Variants in BCKDHB observed in about 807,000 individuals in gnomAD.
BCKDHB encodes the protein branched chain keto acid dehydrogenase E1 subunit beta, also known as 2-oxoisovalerate dehydrogenase subunit beta, mitochondrial.
In BCKDHB, 41 loss-of-function variants were observed where a neutral mutation model predicts 48.5. The ratio of observed to expected loss-of-function variants is 0.85; its 90% CI spans 0.66 to 1.10. The LOEUF is 1.10. Ranked by LOEUF, BCKDHB falls within the 50% of genes least tolerant of loss-of-function variation. BCKDHB has a pLI of 0.00. For synonymous variants in BCKDHB, 201 were observed against 174.8 expected, an observed-to-expected ratio of 1.15 and a Z score of -1.18; for missense variants, 496 against 494.2, an observed-to-expected ratio of 1.00 and a Z score of -0.03.
the BCKDHB span, among the ~76,000 whole-genome samples, chr6:80,424,990 T>A: frequency 2.0e-5 from 3 of 152,136 alleles, no homozygotes; most frequent in African/African-American, 7.2e-5. Flanking sequence ...TCATGACTTA[T>A]TAAATTGTAC....
In BCKDHB at chr6:80,106,790, CG is replaced by C. The variant is rs1277939715; in HGVS notation, c.101del (p.Gly34AlafsTer38). 2.5e-6 allele frequency: 4 copies of C among 1,599,148 alleles called. No homozygotes were observed. The African/African-American group carries it at 5.4e-5, about 21-fold the overall frequency. ...WRRLPGAGLA[R>X]GFLHPAATVE... ...TCGGCTTCCTGGCGCGGGGCTGGCG[CG>C]GGGCTTTTTGCACCCCGCCGCGACT... is the stretch of plus-strand genomic sequence containing the variant. On this transcript the variant is annotated frameshift_variant, in exon 1 of 10. Coordinates refer to ENST00000320393, the MANE Select transcript of BCKDHB (RefSeq NM_183050.4). LOFTEE classifies it high-confidence loss of function.
intron 3 of BCKDHB, among the ~76,000 whole-genome samples, chr6:80,158,661 T>G (rs185625631): frequency 9.1e-4 from 139 of 152,250 alleles, no homozygotes; most frequent in South Asian, 7.9e-3. Context: ...TTGTCCCTAG[T>G]TGGGCTGAAA....
chr6:80,358,969 A>C, the BCKDHB span, among the ~76,000 whole-genome samples: 1 of 152,172 alleles, frequency 6.6e-6, no homozygotes, highest in Non-Finnish European at 1.5e-5. Context: ...GAGGCAGCAA[A>C]TCAATCACTC....
chr6:80,352,323 G>A, the BCKDHB span, among the ~76,000 whole-genome samples: 4 of 152,092 alleles, frequency 2.6e-5, no homozygotes, highest in East Asian at 3.9e-4. Flanking sequence ...TCTCTACAGA[G>A]GAGGTCATCT....
At chr6:80,352,523 A>G in the BCKDHB span, among the ~76,000 whole-genome samples, 1 of 152,166 alleles carries the variant, frequency 6.6e-6, no homozygotes, top group African/African-American at 2.4e-5. Flanking sequence ...GGTCCTTCCA[A>G]TGAACCACCA....
downstream of BCKDHB, among the ~76,000 whole-genome samples, chr6:80,346,953 G>A (rs1419486368): frequency 1.3e-5 from 2 of 151,662 alleles, no homozygotes; most frequent in African/African-American, 4.9e-5. Context: ...AGCAAAGAAT[G>A]AGGGTTGTCA....
At chr6:80,202,322 A>G (rs1343288616) in intron 7 of BCKDHB, among the ~76,000 whole-genome samples, 1 of 151,930 alleles carries the variant, frequency 6.6e-6, no homozygotes, top group Non-Finnish European at 1.5e-5. Context: ...CTGCATCTTC[A>G]GTTTTCCATT....
chr6:80,381,631 G>A, the BCKDHB span, among the ~76,000 whole-genome samples: 1 of 151,968 alleles, frequency 6.6e-6, no homozygotes, highest in Non-Finnish European at 1.5e-5. Flanking sequence ...ACTTTTGAGA[G>A]ATATTTTATT....
Position 80,200,948 on chromosome 6 carries a change from A to G in BCKDHB, c.757A>G (p.Ile253Val), listed in dbSNP as rs754390321. ...LYRAAAEEVP[I>V]EPYNIPLSQA... ...TCTGTATTTAGCGGAAGAAGTCCCT[A>G]TAGAACCATACAACATCCCACTGTC... Residue 253 changes from isoleucine to valine, a missense_variant, in exon 7 of 10, where the codon ATA (isoleucine) becomes GTA (valine). Transcript: ENST00000320393. 8.7e-6 allele frequency: 14 copies of G among 1,610,524 alleles called. No homozygotes were observed. The highest frequency in any genetic ancestry group is 1.3e-5 in the African/African-American group (1 of 74,622).
At chr6:80,288,786 T>C (rs632362) in intron 9 of BCKDHB, among the ~76,000 whole-genome samples, 121,206 of 151,850 alleles carry the variant, frequency 0.8, 48,560 homozygotes, top group Admixed American at 0.87. Context: ...GTATTTTTTT[T>C]TCTTAAATAC....
intron 3 of BCKDHB, among the ~76,000 whole-genome samples, chr6:80,139,659 C>G (rs932340169): frequency 6.6e-6 from 1 of 152,020 alleles, no homozygotes; most frequent in South Asian, 2.1e-4. Flanking sequence ...TTCCATTGAT[C>G]TATGTCTCTG....
chr6:80,182,652 A>G (rs1224500283), intron 6 of BCKDHB, among the ~76,000 whole-genome samples: 1 of 152,040 alleles, frequency 6.6e-6, no homozygotes, highest in East Asian at 1.9e-4. Flanking sequence ...GTGCTTTTAT[A>G]TTTACATACA....
At position 80,206,790 on chromosome 6, in the gene BCKDHB, A is replaced by G. The variant is rs114284342; in HGVS notation, c.951+3578A>G. 5.7e-3 allele frequency among the ~76,000 whole-genome samples: 870 copies of G among 152,140 alleles called. 11 individuals are homozygous for G. The highest frequency in any genetic ancestry group is 0.02 in the African/African-American group (826 of 41,548). ...TGGTCAAAAGATCTGTCTTATATAC[A>G]ATTTGAATTCCAGAAAAAGAAGAGA... On this transcript the variant is annotated intron_variant, in intron 8 of 9. Coordinates refer to ENST00000320393, the MANE Select transcript of BCKDHB (RefSeq NM_183050.4).
At chr6:80,215,881 A>G (rs1274259205) in intron 8 of BCKDHB, among the ~76,000 whole-genome samples, 1 of 152,120 alleles carries the variant, frequency 6.6e-6, no homozygotes, top group Non-Finnish European at 1.5e-5. Context: ...AGCTGGAACT[A>G]CAGGCGTGCA....
At chr6:80,223,938 G>A (rs1037864289) in intron 8 of BCKDHB, among the ~76,000 whole-genome samples, 4 of 152,168 alleles carry the variant, frequency 2.6e-5, no homozygotes, top group African/African-American at 9.7e-5. Context: ...TTTCTGACCA[G>A]AAGAATAGAT....
intron 8 of BCKDHB, among the ~76,000 whole-genome samples, chr6:80,225,239 CT>C (rs1458146927): frequency 3.9e-5 from 6 of 152,230 alleles, no homozygotes; most frequent in Middle Eastern, 3.4e-3. Flanking sequence ...TAAAATGGTC[CT>C]TTAGATATGG....
the BCKDHB span, among the ~76,000 whole-genome samples, chr6:80,450,015 A>C: frequency 6.6e-6 from 1 of 152,066 alleles, no homozygotes; most frequent in African/African-American, 2.4e-5. Flanking sequence ...CTTTCATATG[A>C]TATTATATTC....
intron 8 of BCKDHB, among the ~76,000 whole-genome samples, chr6:80,217,166 G>A (rs941677025): frequency 6.6e-5 from 10 of 152,042 alleles, no homozygotes; most frequent in Admixed American, 5.2e-4. Context: ...TCTTGAACCC[G>A]GGAGGCAGAG....
intron 9 of BCKDHB, among the ~76,000 whole-genome samples, chr6:80,342,397 A>T (rs1462965735): frequency 6.6e-6 from 1 of 152,068 alleles, no homozygotes; most frequent in Middle Eastern, 3.4e-3. Flanking sequence ...TTAATCACAT[A>T]TCCCTTTTAA....
Sources: gnomAD v4.1 joint callset for allele counts (sites outside exome capture counted in the v4.1 genomes callset) on GRCh38, gnomAD v4.1.1 for gene constraint, MANE v1.5 for transcripts, NCBI Gene and HGNC (gene_info 2026-07-23, HGNC 2026-07-21) for gene names.